ENOX1: variants seen among roughly 807,000 people sequenced by gnomAD.
ENOX1 encodes the protein ecto-NOX disulfide-thiol exchanger 1, also known as candidate growth-related and time keeping constitutive hydroquinone (NADH) oxidase.
ENOX1 carries 42 observed loss-of-function variants against 82.5 expected under a neutral mutation model. That is an observed-to-expected ratio of 0.51 (90% CI 0.40 to 0.66). ENOX1 has a LOEUF of 0.66. Ranked by LOEUF, ENOX1 falls within the 30% of genes least tolerant of loss-of-function variation. ENOX1 has a pLI of 0.00. For synonymous variants in ENOX1, 271 were observed against 282.2 expected, an observed-to-expected ratio of 0.96 and a Z score of 0.40; for missense variants, 608 against 811.6, an observed-to-expected ratio of 0.75 and a Z score of 3.05.
intron 12 of ENOX1, among the ~76,000 whole-genome samples, chr13:43,270,143 A>G (rs972128073): frequency 2.0e-5 from 3 of 152,178 alleles, no homozygotes; most frequent in South Asian, 2.1e-4. Context: ...CTACACTGCT[A>G]TTTTTAAGCA....
chr13:43,654,091 A>G (rs1474962227), intron 2 of ENOX1, among the ~76,000 whole-genome samples: 3 of 152,176 alleles, frequency 2.0e-5, no homozygotes, highest in African/African-American at 7.2e-5. Context: ...ATGTTACTGT[A>G]AAAGTATTTG....
chr13:43,643,452 A>G (rs1594233737), intron 2 of ENOX1, among the ~76,000 whole-genome samples: 1 of 152,254 alleles, frequency 6.6e-6, no homozygotes. Context: ...ATATCTTCCC[A>G]ATTGTTTAGT....
chr13:43,657,269 C>G (rs548259129), intron 2 of ENOX1, among the ~76,000 whole-genome samples: 73 of 152,314 alleles, frequency 4.8e-4, no homozygotes, highest in Non-Finnish European at 9.1e-4. Flanking sequence ...TTACATAGGA[C>G]TAGGCCCAGA....
At chr13:43,400,663 G>T (rs1048882886) in intron 5 of ENOX1, among the ~76,000 whole-genome samples, 1 of 152,102 alleles carries the variant, frequency 6.6e-6, no homozygotes, top group African/African-American at 2.4e-5. Flanking sequence ...CAGGACCCAG[G>T]TTCGAAAATG....
intron 9 of ENOX1, among the ~76,000 whole-genome samples, chr13:43,335,794 A>C (rs867945866): frequency 2.6e-5 from 4 of 151,904 alleles, no homozygotes; most frequent in African/African-American, 9.7e-5. Flanking sequence ...GAAAAGAAAA[A>C]AAAGACTCAT....
At chr13:43,618,848 A>G (rs1307005902) in intron 2 of ENOX1, among the ~76,000 whole-genome samples, 1 of 152,144 alleles carries the variant, frequency 6.6e-6, no homozygotes, top group Non-Finnish European at 1.5e-5. Context: ...TATTCACAAC[A>G]TTGATTCTAC....
intron 1 of ENOX1, among the ~76,000 whole-genome samples, chr13:43,736,859 G>C (rs2089657714): frequency 6.6e-6 from 1 of 152,158 alleles, no homozygotes; most frequent in African/African-American, 2.4e-5. Context: ...GGAAAGAGAT[G>C]AAACTTTGAT....
At chr13:43,660,015 G>A (rs2084643495) in intron 2 of ENOX1, among the ~76,000 whole-genome samples, 1 of 152,154 alleles carries the variant, frequency 6.6e-6, no homozygotes, top group South Asian at 2.1e-4. Flanking sequence ...TTGGAGTGGA[G>A]GAGCAGTTTC....
chr13:43,673,551 C>A (rs1188332406), intron 1 of ENOX1, among the ~76,000 whole-genome samples: 5 of 152,216 alleles, frequency 3.3e-5, no homozygotes, highest in Admixed American at 3.3e-4. Flanking sequence ...CTTGGTTTGG[C>A]CTCTCTAGAA....
intron 1 of ENOX1, among the ~76,000 whole-genome samples, chr13:43,684,611 TTG>T (rs1411483994): frequency 6.6e-6 from 1 of 152,118 alleles, no homozygotes. Flanking sequence ...AATAATATAT[TTG>T]TTTTTGAGGC....
At chr13:43,650,832 C>G (rs1025158731) in intron 2 of ENOX1, among the ~76,000 whole-genome samples, 7 of 152,146 alleles carry the variant, frequency 4.6e-5, no homozygotes, top group Non-Finnish European at 8.8e-5. Context: ...GCGCAAGACT[C>G]CGTCTCAAAA....
At chr13:43,507,782 C>A (rs1020549076) in intron 2 of ENOX1, among the ~76,000 whole-genome samples, 1 of 151,852 alleles carries the variant, frequency 6.6e-6, no homozygotes, top group Admixed American at 6.6e-5. Context: ...ATATTTTATT[C>A]TATTTCCTGA....
rs1389770595 is a variant in ENOX1, at chr13:43,470,273, CATAT to C, written c.-75+13732_-75+13735del. On this transcript the variant is annotated intron_variant, in intron 3 of 16. Coordinates refer to ENST00000690772, the MANE Select transcript of ENOX1 (RefSeq NM_001347969.2). ...ACATATATATATACATATATATACA[CATAT>C]ATATACATATATATATACACATATA... Among the ~76,000 whole-genome samples, 6 of 44,976 alleles carry C rather than the reference CATAT, an allele frequency of 1.3e-4. 2 individuals carry two copies. The South Asian group carries it at 2.5e-3, about 19-fold the overall frequency. 29.5% of individuals were successfully genotyped at this position (44,976 alleles called of 152,430 possible).
At position 43,261,781 on chromosome 13, in the gene ENOX1, T is replaced by C. The variant is rs530215822; in HGVS notation, c.1611+3617A>G. 5.4e-4 allele frequency among the ~76,000 whole-genome samples: 74 copies of C among 137,798 alleles called. 1 individual carries two copies. The highest frequency in any genetic ancestry group is 1.9e-3 in the African/African-American group (69 of 36,740). 90.4% of individuals were successfully genotyped at this position (137,798 alleles called of 152,430 possible). On this transcript the variant is annotated intron_variant, in intron 14 of 16. Transcript: ENST00000690772. The stretch of plus-strand genomic sequence containing the variant: ...GCATATTCTCACTCATAGATGGGAA[T>C]TGAACAATGAGATCACATGGACACA...
intron 3 of ENOX1, among the ~76,000 whole-genome samples, chr13:43,473,902 G>T (rs1312878139): frequency 1.3e-5 from 2 of 152,002 alleles, no homozygotes; most frequent in Non-Finnish European, 2.9e-5. Context: ...ACTGTTAACG[G>T]GAAATAAAAT....
chr13:43,460,201 A>G (rs2057405495), intron 3 of ENOX1, among the ~76,000 whole-genome samples: 1 of 152,176 alleles, frequency 6.6e-6, no homozygotes, highest in Non-Finnish European at 1.5e-5. Flanking sequence ...TCTTTAATTA[A>G]TTACATGCCA....
intron 12 of ENOX1, among the ~76,000 whole-genome samples, chr13:43,282,574 C>T (rs796681446): frequency 5.3e-5 from 8 of 151,670 alleles, no homozygotes; most frequent in African/African-American, 1.7e-4. Flanking sequence ...CCGGCATGTG[C>T]CACCATGCCT....
rs371708490 is a variant in ENOX1 at position 43,465,644 on chromosome 13, AG to A, written c.-75+18364del. Reference sequence around the variant, plus strand: ...CAGGCCCCCTCAGCAGAAAGAGCCAAGAAGTATAAATACATATTCAAACCCA... The same window carrying A: ...CAGGCCCCCTCAGCAGAAAGAGCCAAAAGTATAAATACATATTCAAACCCA... On this transcript the variant is annotated intron_variant, in intron 3 of 16. Coordinates refer to ENST00000690772, the MANE Select transcript of ENOX1 (RefSeq NM_001347969.2). Among the ~76,000 whole-genome samples the A allele has an allele frequency of 6.5e-3, 996 of 152,350 alleles. 8 individuals are homozygous for A. Among genetic ancestry groups the A allele is most frequent in the African/African-American group, 0.022 (920 of 41,574 alleles).
intron 10 of ENOX1, among the ~76,000 whole-genome samples, chr13:43,324,296 A>G (rs1476189382): frequency 1.3e-5 from 2 of 152,196 alleles, no homozygotes; most frequent in African/African-American, 4.8e-5. Context: ...CCTGCGATTA[A>G]TGACAAACTG....
Sources: gnomAD v4.1 joint callset for allele counts (sites outside exome capture counted in the v4.1 genomes callset) on GRCh38, gnomAD v4.1.1 for gene constraint, MANE v1.5 for transcripts, NCBI Gene and HGNC (gene_info 2026-07-23, HGNC 2026-07-21) for gene names.